The following ADAMDEC1 variants were observed in gnomAD, a reference collection of about 807,000 sequenced individuals.
The protein encoded by ADAMDEC1 is ADAM DEC1.
In ADAMDEC1, 62 loss-of-function variants were observed where a neutral mutation model predicts 60.4. That is an observed-to-expected ratio of 1.03 (90% CI 0.84 to 1.27). ADAMDEC1 has a LOEUF of 1.27. Ranked by LOEUF, ADAMDEC1 falls within the 50% of genes most tolerant of loss-of-function variation. The probability of loss-of-function intolerance (pLI) is 0.00; values close to 1 mark genes in which losing one functional copy is unlikely to be tolerated. For missense variants in ADAMDEC1, 595 were observed against 565.0 expected (o/e 1.05, Z -0.54); for synonymous variants, 210 against 195.1 (o/e 1.08, Z -0.64).
chr8:24,399,043 G>A lies in ADAMDEC1; in HGVS notation c.929+3G>A, dbSNP rs556809819. 3 of 1,610,684 alleles carry A rather than the reference G, an allele frequency of 1.9e-6. No individual in the cohort carries two copies. The highest frequency in any genetic ancestry group is 3.4e-5 in the Admixed American group (2 of 59,308). ...CACGACCATGCTCAGCTTCTCAGGT[G>A]AGCACATGCTGGCCAGGTGAATGTA... On this transcript the variant is annotated splice_donor_region_variant and intron_variant, in intron 9 of 13. Coordinates refer to ENST00000256412, the MANE Select transcript of ADAMDEC1 (RefSeq NM_014479.3).
At chr8:24,395,839 T>C in intron 5 of ADAMDEC1, 43 bp downstream of exon 5, 4 of 1,482,334 alleles carry the variant, frequency 2.7e-6, no homozygotes, top group Non-Finnish European at 3.7e-6. Flanking sequence ...AGAAGCTTTT[T>C]GTTACACAGA....
At position 24,402,020 on chromosome 8, in the gene ADAMDEC1, T is replaced by C; in HGVS notation, c.1248T>C (p.Asn416=). The change falls in exon 12 of 14, where the codon AAT becomes AAC. Residue 416 remains asparagine, a synonymous_variant. Coordinates refer to ENST00000256412, the MANE Select transcript of ADAMDEC1 (RefSeq NM_014479.3). Reference sequence around the variant, plus strand: ...TGCTGCAAGCACCTATTCCTACAAATATAATGACAACACCAGTGTGTGGGA... The same window carrying C: ...TGCTGCAAGCACCTATTCCTACAAACATAATGACAACACCAGTGTGTGGGA... The part of the protein sequence containing the change: ...KCLLQAPIPT[N]IMTTPVCGNH... The C allele has an allele frequency of 6.2e-7, 1 of 1,613,406 alleles. No individual in the cohort carries two copies. Among genetic ancestry groups the C allele is most frequent in the Non-Finnish European group, 8.5e-7 (1 of 1,179,494 alleles).
intron 1 of ADAMDEC1, among the ~76,000 whole-genome samples, chr8:24,385,461 G>A (rs912419937): frequency 4.6e-5 from 7 of 152,012 alleles, no homozygotes; most frequent in Admixed American, 1.3e-4. Context: ...ATAATTATGC[G>A]ATATATACAC....
In ADAMDEC1 at chr8:24,400,541, T is replaced by C. The variant is rs545335665; in HGVS notation, c.1142+241T>C. ...TTCTTAACCTAGTCTTGGATTACAGTAATCTGCTGATATATGTTTCATAAA... is the reference window on the plus strand; with the variant it reads ...TTCTTAACCTAGTCTTGGATTACAGCAATCTGCTGATATATGTTTCATAAA... On this transcript the variant is annotated intron_variant, in intron 11 of 13. Coordinates refer to ENST00000256412, the MANE Select transcript of ADAMDEC1 (RefSeq NM_014479.3). Among the ~76,000 whole-genome samples the C allele has an allele frequency of 6.6e-5, 10 of 152,030 alleles. No individual in the cohort carries two copies. The South Asian group carries it at 2.1e-3, about 32-fold the overall frequency.
At chr8:24,385,178 T>C (rs775331812) in intron 1 of ADAMDEC1, among the ~76,000 whole-genome samples, 1 of 152,166 alleles carries the variant, frequency 6.6e-6, no homozygotes, top group South Asian at 2.1e-4. Flanking sequence ...ATTTTACTAG[T>C]GATCACATAA....
intron 10 of ADAMDEC1, 51 bp downstream of exon 10, chr8:24,399,525 GC>G (rs757813874): frequency 7.0e-7 from 1 of 1,421,630 alleles, no homozygotes. Flanking sequence ...CTCTATGAAG[GC>G]CAGCATAACA....
In ADAMDEC1 at chr8:24,393,267, G is replaced by A. The variant is rs771755241; in HGVS notation, c.213G>A (p.Arg71=). The A allele has an allele frequency of 3.1e-5, 49 of 1,585,854 alleles. 1 individual carries two copies. The highest frequency in any genetic ancestry group is 1.7e-4 in the Middle Eastern group (1 of 5,754). Reference sequence around the variant, plus strand: ...ATGTAATTAAATGTTTTCAGGAAAGGTATGAACCTGAAGTTCAATATCAGA... The same window carrying A: ...ATGTAATTAAATGTTTTCAGGAAAGATATGAACCTGAAGTTCAATATCAGA... ...NQTEKHGKEE[R]YEPEVQYQMI... is the part of the protein sequence containing the mutation. The change falls in exon 3 of 14, where the codon AGG becomes AGA. Residue 71 remains arginine (R), a synonymous_variant. Transcript: ENST00000256412.
At chr8:24,398,661 T>C in intron 8 of ADAMDEC1, 110 bp downstream of exon 8, 1 of 1,006,298 alleles carries the variant, frequency 9.9e-7, no homozygotes, top group Admixed American at 2.5e-5. Context: ...TGTCTTAAGT[T>C]AAATAGTTCA....
intron 5 of ADAMDEC1, among the ~76,000 whole-genome samples, chr8:24,396,011 A>T (rs1023121226): frequency 6.6e-6 from 1 of 152,206 alleles, no homozygotes; most frequent in South Asian, 2.1e-4. Flanking sequence ...TAAAACAAGA[A>T]TGCTACACTC....
At chr8:24,394,986 A>G (rs914624593) in intron 4 of ADAMDEC1, among the ~76,000 whole-genome samples, 12 of 152,248 alleles carry the variant, frequency 7.9e-5, no homozygotes, top group African/African-American at 2.7e-4. Flanking sequence ...ATGGAATTTC[A>G]TAACCTGAGG....
At position 24,405,533 on chromosome 8, in the gene ADAMDEC1, G is replaced by T; in HGVS notation, c.*235G>T. 3 of 463,554 alleles carry T rather than the reference G, an allele frequency of 6.5e-6. No individual in the cohort carries two copies. Among genetic ancestry groups the T allele is most frequent in the South Asian group, 4.1e-5 (1 of 24,428 alleles). The allele number at this position is 463,554 out of a possible 1,614,324, so 28.7% of individuals were successfully genotyped here. On this transcript the variant is annotated 3_prime_UTR_variant, in exon 14 of 14. Coordinates refer to ENST00000256412, the MANE Select transcript of ADAMDEC1 (RefSeq NM_014479.3). The stretch of plus-strand genomic sequence containing the variant: ...TTTTTCTTTTTTCTTTTTTTTTAAA[G>T]ATCATGAATTTGTGACTTAGTTCTG...
chr8:24,392,393 A>T lies in ADAMDEC1; in HGVS notation c.207+13A>T, dbSNP rs748964251. 6.4e-7 allele frequency: 1 copy of T among 1,565,966 alleles called. No individual in the cohort carries two copies. Among genetic ancestry groups the T allele is most frequent in the South Asian group, 1.1e-5 (1 of 87,860 alleles). On this transcript the variant is annotated intron_variant, in intron 2 of 13. Coordinates refer to ENST00000256412, the MANE Select transcript of ADAMDEC1 (RefSeq NM_014479.3). ...GCATGGCAAAGAGGTAAGCAAGGTG[A>T]ATGACCGTGGTAGATGTTACAATCA...
intron 9 of ADAMDEC1, 131 bp downstream of exon 9, chr8:24,399,171 T>C (rs977791706): frequency 2.7e-6 from 3 of 1,096,746 alleles, no homozygotes; most frequent in Non-Finnish European, 3.9e-6. Flanking sequence ...CCACTAGCAA[T>C]TCACCTGTGA....
Position 24,399,389 on chromosome 8 carries a change from A to G in ADAMDEC1, c.930-4A>G, listed in dbSNP as rs748670986. ...GACAGTAGTATCTGTAACTTTTCAT[A>G]CAGCGGGATTAGCTTCAACAATCGA... On this transcript the variant is annotated splice_polypyrimidine_tract_variant and splice_region_variant and intron_variant, in intron 9 of 13. Coordinates refer to ENST00000256412, the MANE Select transcript of ADAMDEC1 (RefSeq NM_014479.3). 2.1e-5 allele frequency: 34 copies of G among 1,613,310 alleles called. No individual in the cohort carries two copies. The highest frequency in any genetic ancestry group is 8.5e-7 in the Non-Finnish European group (1 of 1,179,442).
intron 11 of ADAMDEC1, 99 bp downstream of exon 11, chr8:24,400,399 CTT>C: frequency 7.9e-7 from 1 of 1,261,962 alleles, no homozygotes; most frequent in Admixed American, 2.9e-5. Flanking sequence ...AATATTAGAT[CTT>C]GTGTTGTTCC....
intron 2 of ADAMDEC1, among the ~76,000 whole-genome samples, chr8:24,392,817 T>G (rs1270917220): frequency 1.3e-5 from 2 of 151,672 alleles, no homozygotes; most frequent in East Asian, 3.9e-4. Flanking sequence ...ACCAATTCTT[T>G]GACTATTACA....
In ADAMDEC1 at chr8:24,404,060, T is replaced by G; in HGVS notation, c.1378T>G (p.Cys460Gly). 1 of 1,613,736 alleles carries G rather than the reference T, an allele frequency of 6.2e-7. No individual in the cohort carries two copies. The highest frequency in any genetic ancestry group is 8.5e-7 in the Non-Finnish European group (1 of 1,179,786). Residue 460 changes from cysteine to glycine, a missense_variant, in exon 13 of 14, where the codon TGC (cysteine) becomes GGC (glycine). By Grantham distance (159) the Cys-to-Gly change is radical. Coordinates refer to ENST00000256412, the MANE Select transcript of ADAMDEC1 (RefSeq NM_014479.3). ...LTCKLKPGTD[C>G]GGDAPNHTTE ...GTGTAAACTGAAGCCTGGAACTGAT[T>G]GCGGAGGAGATGCTCCAAACCATAC...
chr8:24,405,508 TTTTTC>T lies in ADAMDEC1; in HGVS notation c.*215_*219del. The T allele has an allele frequency of 2.1e-6, 1 of 479,492 alleles. No homozygotes were observed. Among genetic ancestry groups the T allele is most frequent in the Non-Finnish European group, 3.6e-6 (1 of 274,716 alleles). The allele number at this position is 479,492 out of a possible 1,614,324, so 29.7% of individuals were successfully genotyped here. On this transcript the variant is annotated 3_prime_UTR_variant, in exon 14 of 14. Transcript: ENST00000256412. ...GGCCTAATCTTTCTTTTTACTTTTT[TTTTTC>T]TTTTTTCTTTTTTTTTAAAGATCAT...
At position 24,395,777 on chromosome 8, in the gene ADAMDEC1, A is replaced by G. The variant is rs201210348; in HGVS notation, c.421A>G (p.Ser141Gly). The G allele has an allele frequency of 1.9e-4, 305 of 1,613,570 alleles. No individual in the cohort carries two copies. Among genetic ancestry groups the G allele is most frequent in the Non-Finnish European group, 1.8e-4 (216 of 1,179,704 alleles). Residue 141 changes from serine to glycine, a missense_variant, in exon 5 of 14, where the codon AGT becomes GGT. By Grantham distance (56) the Ser-to-Gly change is moderately conservative. Transcript: ENST00000256412. ...TGAAAAGAATTCTGTTGCCAGCATC[A>G]GTACTTGTGACGGGTTGAGGTAAGA... Reference protein sequence around the residue: ...LNEKNSVASISTCDGLRGYFT... With the variant: ...LNEKNSVASIGTCDGLRGYFT...
Sources: gnomAD v4.1 joint callset for allele counts (sites outside exome capture counted in the v4.1 genomes callset) on GRCh38, gnomAD v4.1.1 for gene constraint, MANE v1.5 for transcripts, NCBI Gene and HGNC (gene_info 2026-07-23, HGNC 2026-07-21) for gene names.